NLRP6: variants seen among roughly 807,000 people sequenced by gnomAD.
NLRP6 encodes the protein NACHT, LRR and PYD domains-containing protein 6.
NLRP6 carries 55 observed loss-of-function variants against 70.9 expected under a neutral mutation model. That is an observed-to-expected ratio of 0.78 (90% CI 0.62 to 0.97). NLRP6 has a LOEUF of 0.97. Ranked by LOEUF, NLRP6 falls within the 50% of genes least tolerant of loss-of-function variation. NLRP6 has a pLI of 0.00. For synonymous variants in NLRP6, 652 were observed against 581.9 expected (o/e 1.12, Z -1.73); for missense variants, 1,241 against 1,238.3 (o/e 1.00, Z -0.03).
rs761365189 is a variant in NLRP6 at position 281,746 on chromosome 11, C to G, written c.2012C>G (p.Ala671Gly). Residue 671 changes from alanine (A) to glycine (G), a missense_variant, in exon 4 of 8, where the codon GCA becomes GGA. Ala to Gly is a moderately conservative substitution (Grantham distance 60). Transcript: ENST00000534750. ...GTGAGGTGCTGCCCTGCTGGACAGG[C>G]ACTGCGGCTGATCAGCTGCAGATTG... ...YCVRCCPAGQ[A>G]LRLISCRLVA... is the part of the protein sequence containing the mutation. 6.2e-7 allele frequency: 1 copy of G among 1,612,096 alleles called. No homozygotes were observed. Among genetic ancestry groups the G allele is most frequent in the Non-Finnish European group, 8.5e-7 (1 of 1,179,750 alleles).
Position 278,841 on chromosome 11 carries a change from G to A in NLRP6, c.29+243G>A, listed in dbSNP as rs1845425030. Among the ~76,000 whole-genome samples the A allele has an allele frequency of 6.6e-6, 1 of 152,232 alleles. No homozygotes were observed. Among genetic ancestry groups the A allele is most frequent in the African/African-American group, 2.4e-5 (1 of 41,474 alleles). ...CCCAAGCTGGGCCCCACCAAAGTGT[G>A]GCAGGGGTGGGGGCCCAGGAATACA... is the stretch of plus-strand genomic sequence containing the variant. On this transcript the variant is annotated intron_variant, in intron 1 of 7. Coordinates refer to ENST00000534750, the MANE Select transcript of NLRP6 (RefSeq NM_001276700.2). This position sits in a 1 kb window ranked among gnomAD's most constrained non-coding sequence, Gnocchi z 4.7.
rs117664979 is a variant in NLRP6, at chr11:284,626, G to C, written c.2521G>C (p.Gly841Arg). Residue 841 changes from glycine to arginine, a missense_variant, in exon 7 of 8, where the codon GGC becomes CGC. Coordinates refer to ENST00000534750, the MANE Select transcript of NLRP6 (RefSeq NM_001276700.2). ...LCAVLQHQGC[G>R]LQTLSLASVE... Reference sequence around the variant, plus strand: ...TGCAGTCCTGCAGCACCAGGGATGCGGCCTGCAGACCCTCAGGTGGAGGCA... The same window carrying C: ...TGCAGTCCTGCAGCACCAGGGATGCCGCCTGCAGACCCTCAGGTGGAGGCA... The C allele has an allele frequency of 5.6e-6, 9 of 1,607,200 alleles. No individual in the cohort carries two copies. In the South Asian group the frequency reaches 8.8e-5, roughly 16 times the overall value.
Position 281,414 on chromosome 11 carries a change from G to A in NLRP6, c.1680G>A (p.Glu560=), listed in dbSNP as rs140476828. 3.1e-6 allele frequency: 5 copies of A among 1,608,484 alleles called. No homozygotes were observed. In the Admixed American group the frequency reaches 8.4e-5, roughly 27 times the overall value. The change falls in exon 4 of 8, where the codon GAG becomes GAA. Residue 560 remains glutamate, a synonymous_variant. Transcript: ENST00000534750. The part of the protein sequence containing the change: ...LLSAERMRDI[E]RHFGCMVSER... The stretch of plus-strand genomic sequence containing the variant: ...GCGCGGAGCGGATGCGCGACATCGA[G>A]CGCCACTTCGGCTGCATGGTTTCAG...
chr11:279,400 A>C lies in NLRP6; in HGVS notation c.103A>C (p.Lys35Gln), dbSNP rs1845433029. ...ALEELSQEQL[K>Q]RFRHKLRDVG... The stretch of plus-strand genomic sequence containing the variant: ...GGAGGAACTGAGCCAAGAGCAGCTG[A>C]AGCGCTTCCGCCACAAGCTGCGCGA... Residue 35 changes from lysine (K) to glutamine (Q), a missense_variant, in exon 2 of 8, where the codon AAG becomes CAG. Coordinates refer to ENST00000534750, the MANE Select transcript of NLRP6 (RefSeq NM_001276700.2). The C allele has an allele frequency of 7.4e-7, 1 of 1,352,290 alleles. No homozygotes were observed. Among genetic ancestry groups the C allele is most frequent in the Admixed American group, 3.9e-5 (1 of 25,452 alleles). 83.8% of individuals were successfully genotyped at this position (1,352,290 alleles called of 1,614,324 possible).
Position 285,332 on chromosome 11 carries a change from G to A in NLRP6, c.*28G>A. 1 of 1,601,180 alleles carries A rather than the reference G, an allele frequency of 6.2e-7. No homozygotes were observed. The highest frequency in any genetic ancestry group is 8.5e-7 in the Non-Finnish European group (1 of 1,172,894). On this transcript the variant is annotated 3_prime_UTR_variant, in exon 8 of 8. Coordinates refer to ENST00000534750, the MANE Select transcript of NLRP6 (RefSeq NM_001276700.2). ...CTCTGGTGGCCAGAGCAGGGTGGAA[G>A]ACCCTAGTCAAAGTCCCTGTGGAGA... is the stretch of plus-strand genomic sequence containing the variant.
chr11:279,028 A>AAGGGAGGTGCAGGGG (rs1845427202), intron 1 of NLRP6: 1 of 357,764 alleles, frequency 2.8e-6, no homozygotes, highest in Non-Finnish European at 5.0e-6. Flanking sequence ...CAGAAGCAGA[A>AAGGGAGGTGCAGGGG]AGGGAGGTGC....
In NLRP6 at chr11:284,598, G is replaced by C; in HGVS notation, c.2493G>C (p.Leu831=). Residue 831 remains leucine, a synonymous_variant, in exon 7 of 8, where the codon CTG becomes CTC. Coordinates refer to ENST00000534750, the MANE Select transcript of NLRP6 (RefSeq NM_001276700.2). ...TGCCCGCCCCCATGGTGACCTACCT[G>C]TGTGCAGTCCTGCAGCACCAGGGAT... ...CQLPAPMVTY[L]CAVLQHQGCG... is the part of the protein sequence containing the mutation. The C allele has an allele frequency of 6.2e-7, 1 of 1,611,414 alleles. No individual in the cohort carries two copies. Among genetic ancestry groups the C allele is most frequent in the Non-Finnish European group, 8.5e-7 (1 of 1,179,824 alleles).
intron 1 of NLRP6, 62 bp from the exon 2 acceptor site, chr11:279,265 C>CGGGG: frequency 6.7e-6 from 8 of 1,202,672 alleles, no homozygotes; most frequent in East Asian, 3.3e-5. Flanking sequence ...GCGCCAGAGT[C>CGGGG]GGGGGCGGGC....
At position 282,851 on chromosome 11, in the gene NLRP6, C is replaced by G. The variant is rs1590271228; in HGVS notation, c.2198+54C>G. On this transcript the variant is annotated intron_variant, in intron 5 of 7. Transcript: ENST00000534750. Reference sequence around the variant, plus strand: ...ACGGAGCGGGCTGAGAGCAGGATGCCCTGGGCAGAGACGGAAGTATGACCT... The same window carrying G: ...ACGGAGCGGGCTGAGAGCAGGATGCGCTGGGCAGAGACGGAAGTATGACCT... 2.3e-6 allele frequency: 3 copies of G among 1,301,756 alleles called. No individual in the cohort carries two copies. The East Asian group carries it at 6.9e-5, about 30-fold the overall frequency. The allele number at this position is 1,301,756 out of a possible 1,614,324, so 80.6% of individuals were successfully genotyped here.
intron 2 of NLRP6, 72 bp from the exon 3 acceptor site, chr11:279,762 G>A (rs1845439462): frequency 3.9e-5 from 59 of 1,506,654 alleles, no homozygotes; most frequent in Non-Finnish European, 5.2e-5. Context: ...GCTCCTCAGG[G>A]TGACTCGGAC....
chr11:281,581 A>C lies in NLRP6; in HGVS notation c.1847A>C (p.Asn616Thr), dbSNP rs778010674. ...PEEEEEGEEPNYPLELLYCLY... is the reference protein window; with the variant it reads ...PEEEEEGEEPTYPLELLYCLY... ...GAGGAGGAGGAGGGAGAGGAGCCCAACTACCCACTGGAGTTGCTGTACTGC... is the reference window on the plus strand; with the variant it reads ...GAGGAGGAGGAGGGAGAGGAGCCCACCTACCCACTGGAGTTGCTGTACTGC... Residue 616 changes from asparagine (N) to threonine (T), a missense_variant, in exon 4 of 8, where the codon AAC becomes ACC. Physicochemically the swap from Asn to Thr is moderately conservative, Grantham distance 65. Transcript: ENST00000534750. The C allele has an allele frequency of 6.2e-7, 1 of 1,611,346 alleles. No homozygotes were observed. The highest frequency in any genetic ancestry group is 2.2e-5 in the East Asian group (1 of 44,864).
chr11:284,958 C>T (rs1385739601), intron 7 of NLRP6, among the ~76,000 whole-genome samples: 3 of 152,182 alleles, frequency 2.0e-5, no homozygotes, highest in Non-Finnish European at 4.4e-5. Flanking sequence ...CCTCCCCCAG[C>T]CTCTGACAAA....
Position 282,710 on chromosome 11 carries a change from A to G in NLRP6, c.2111A>G (p.Gln704Arg), listed in dbSNP as rs2134009607. The change falls in exon 5 of 8, where the codon CAA becomes CGA. Residue 704 changes from glutamine to arginine, a missense_variant. Coordinates refer to ENST00000534750, the MANE Select transcript of NLRP6 (RefSeq NM_001276700.2). Reference protein sequence around the residue: ...LQASLGGGSSQGTTKQLPASL... With the variant: ...LQASLGGGSSRGTTKQLPASL... ...CTTCCTCTCTCTCCCAGCAGTTCTC[A>G]AGGCACCACAAAACAACTGCCAGCC... is the stretch of plus-strand genomic sequence containing the variant. 1 of 1,613,262 alleles carries G rather than the reference A, an allele frequency of 6.2e-7. No individual in the cohort carries two copies. Among genetic ancestry groups the G allele is most frequent in the South Asian group, 1.1e-5 (1 of 91,060 alleles).
At chr11:283,897 C>T (rs1480006529) in intron 5 of NLRP6, among the ~76,000 whole-genome samples, 1 of 151,080 alleles carries the variant, frequency 6.6e-6, no homozygotes, top group African/African-American at 2.4e-5. Context: ...AAAGGAGAAA[C>T]AACACAACTA....
chr11:281,169 T>A lies in NLRP6; in HGVS notation c.1435T>A (p.Phe479Ile). The A allele has an allele frequency of 3.7e-6, 6 of 1,613,130 alleles. No individual in the cohort carries two copies. The highest frequency in any genetic ancestry group is 5.1e-6 in the Non-Finnish European group (6 of 1,179,964). ...ELRGSKVQTLFLSKKELPGVL... is the reference protein window; with the variant it reads ...ELRGSKVQTLILSKKELPGVL... The stretch of plus-strand genomic sequence containing the variant: ...TCGTGGCTCCAAAGTGCAGACGCTG[T>A]TTCTCAGCAAAAAGGAGCTGCCGGG... Residue 479 changes from phenylalanine (F) to isoleucine (I), a missense_variant, in exon 4 of 8, where the codon TTT (phenylalanine) becomes ATT (isoleucine). Phe to Ile is a conservative substitution (Grantham distance 21). Coordinates refer to ENST00000534750, the MANE Select transcript of NLRP6 (RefSeq NM_001276700.2).
At position 285,315 on chromosome 11, in the gene NLRP6, G is replaced by C; in HGVS notation, c.*11G>C. On this transcript the variant is annotated 3_prime_UTR_variant, in exon 8 of 8. Coordinates refer to ENST00000534750, the MANE Select transcript of NLRP6 (RefSeq NM_001276700.2). ...ATCTCGACCTTCTGAGGCTCTGGTGGCCAGAGCAGGGTGGAAGACCCTAGT... is the reference window on the plus strand; with the variant it reads ...ATCTCGACCTTCTGAGGCTCTGGTGCCCAGAGCAGGGTGGAAGACCCTAGT... The C allele has an allele frequency of 1.2e-6, 2 of 1,605,678 alleles. No individual in the cohort carries two copies. The highest frequency in any genetic ancestry group is 1.7e-6 in the Non-Finnish European group (2 of 1,175,692).
intron 5 of NLRP6, among the ~76,000 whole-genome samples, chr11:283,153 C>T (rs554437761): frequency 1.3e-4 from 20 of 152,196 alleles, no homozygotes; most frequent in Admixed American, 2.6e-4. Context: ...GGTGTTCAAG[C>T]GCAGGCTCCA....
rs780095036 is a variant in NLRP6, at chr11:284,211, C to G, written c.2199-19C>G. 6.2e-7 allele frequency: 1 copy of G among 1,612,498 alleles called. No homozygotes were observed. Among genetic ancestry groups the G allele is most frequent in the Non-Finnish European group, 8.5e-7 (1 of 1,179,554 alleles). ...GGCTGAGGCGCCTGCAGGTAAATCT[C>G]TGTGCTTCTTGACCACAGGCTGTCC... On this transcript the variant is annotated intron_variant, in intron 5 of 7. Transcript: ENST00000534750.
rs562602562 is a variant in NLRP6 at position 283,586 on chromosome 11, C to T, written c.2199-644C>T. On this transcript the variant is annotated intron_variant, in intron 5 of 7. Coordinates refer to ENST00000534750, the MANE Select transcript of NLRP6 (RefSeq NM_001276700.2). ...CCTCTGCCTCCCAAAGTGCTGGGAT[C>T]ACAGGCATGAGCCACCGCGCCCGGC... Among the ~76,000 whole-genome samples, 587 of 152,108 alleles carry T rather than the reference C, an allele frequency of 3.9e-3. 2 individuals are homozygous for T. The highest frequency in any genetic ancestry group is 0.013 in the African/African-American group (556 of 41,480).
Sources: allele counts gnomAD v4.1 joint callset (sites outside exome capture counted in the v4.1 genomes callset), GRCh38; gene constraint gnomAD v4.1.1; non-coding constraint Gnocchi (gnomAD v3.1); transcripts MANE v1.5; gene names NCBI Gene and HGNC (gene_info 2026-07-23, HGNC 2026-07-21).